DLG5: variants seen among roughly 807,000 people sequenced by gnomAD.
DLG5 encodes the protein discs large MAGUK scaffold protein 5, also known as disks large homolog 5.
DLG5 carries 48 observed loss-of-function variants against 189.8 expected under a neutral mutation model. The ratio of observed to expected loss-of-function variants is 0.25; its 90% CI spans 0.20 to 0.32. DLG5 has a LOEUF of 0.32. DLG5 is among the 10% of genes least tolerant of loss of function. DLG5 has a pLI of 1.00. For synonymous variants in DLG5, 1,016 were observed against 1,054.1 expected (o/e 0.96, Z 0.70); for missense variants, 2,160 against 2,544.7 (o/e 0.85, Z 3.25).
chr10:77,835,787 A>G lies in DLG5; in HGVS notation c.1573T>C (p.Trp525Arg). 6.2e-7 allele frequency: 1 copy of G among 1,613,896 alleles called. No individual in the cohort carries two copies. Residue 525 changes from tryptophan (W) to arginine (R), a missense_variant, in exon 8 of 32, where the codon TGG (tryptophan) becomes CGG (arginine). Physicochemically the swap from Trp to Arg is moderately radical, Grantham distance 101. Coordinates refer to ENST00000372391, the MANE Select transcript of DLG5 (RefSeq NM_004747.4). ...ATCTTGTCTCGCTCCTGGAAGGCCC[A>G]GTCCCGCCGGCACTTGGCCACATCC... ...EADVAKCRRD[W>R]AFQERDKIVA...
Position 77,914,146 on chromosome 10 carries a change from G to A in DLG5, c.304+12071C>T, listed in dbSNP as rs1385500124. On this transcript the variant is annotated intron_variant, in intron 1 of 31. Coordinates refer to ENST00000372391, the MANE Select transcript of DLG5 (RefSeq NM_004747.4). ...TTTGGAACTGAACTCACAGGTCACA[G>A]CAATGCCCTCCTTAAAAATGTGGGC... 3.3e-5 allele frequency among the ~76,000 whole-genome samples: 5 copies of A among 152,124 alleles called. No individual in the cohort carries two copies. The East Asian group carries it at 7.7e-4, about 23-fold the overall frequency.
At position 77,816,110 on chromosome 10, in the gene DLG5, C is replaced by T. The variant is rs564942660; in HGVS notation, c.4025+441G>A. The T allele has an allele frequency of 5.0e-4, 239 of 474,828 alleles. 2 individuals carry two copies. Among genetic ancestry groups the T allele is most frequent in the African/African-American group, 3.9e-3 (197 of 51,026 alleles). The allele number at this position is 474,828 out of a possible 1,614,324, so 29.4% of individuals were successfully genotyped here. A position where few individuals can be genotyped will look rare whatever the true frequency, so the allele number is the denominator to read the frequency against. On this transcript the variant is annotated intron_variant, in intron 20 of 31. Transcript: ENST00000372391. Reference sequence around the variant, plus strand: ...AAAAGCAAAGGGTAAGAATGAGTCCCGGTGCCAGCCACTAACCACGTGGCC... The same window carrying T: ...AAAAGCAAAGGGTAAGAATGAGTCCTGGTGCCAGCCACTAACCACGTGGCC...
intron 26 of DLG5, 35 bp from the exon 27 acceptor site, chr10:77,805,896 C>G (rs768409732): frequency 6.3e-7 from 1 of 1,576,880 alleles, no homozygotes; most frequent in Admixed American, 1.7e-5. Context: ...GCAGGGCCAT[C>G]GAGACCCTGC....
chr10:77,920,215 T>A (rs1325400314), intron 1 of DLG5, among the ~76,000 whole-genome samples: 1 of 152,194 alleles, frequency 6.6e-6, no homozygotes, highest in Admixed American at 6.5e-5. Context: ...GGTAACAAAA[T>A]GCTCTTCCAT....
At chr10:77,870,119 C>G (rs1448888349) in intron 1 of DLG5, among the ~76,000 whole-genome samples, 1 of 151,948 alleles carries the variant, frequency 6.6e-6, no homozygotes, top group East Asian at 1.9e-4. Context: ...AAAGGGAGGG[C>G]AAACTGACTC....
At chr10:77,848,499 G>GT in intron 5 of DLG5, among the ~76,000 whole-genome samples, 1 of 152,138 alleles carries the variant, frequency 6.6e-6, no homozygotes, top group Non-Finnish European at 1.5e-5. Context: ...AATTCTACCT[G>GT]TAAGGCTCAA....
chr10:77,824,168 C>T (rs1842501237), intron 14 of DLG5, among the ~76,000 whole-genome samples: 1 of 152,218 alleles, frequency 6.6e-6, no homozygotes, highest in Admixed American at 6.5e-5. Context: ...TTATCGGGTC[C>T]AGATTCAAAT....
intron 1 of DLG5, among the ~76,000 whole-genome samples, chr10:77,881,681 T>C (rs1845286147): frequency 6.6e-6 from 1 of 152,224 alleles, no homozygotes; most frequent in South Asian, 2.1e-4. Flanking sequence ...TGTTTATGAT[T>C]CTGATGCTTA....
At chr10:77,812,964 C>T (rs1288518556) in intron 20 of DLG5, among the ~76,000 whole-genome samples, 2 of 152,254 alleles carry the variant, frequency 1.3e-5, no homozygotes, top group Admixed American at 6.5e-5. Flanking sequence ...GGCAGGGGCT[C>T]GGCAGGGAGC....
At chr10:77,904,718 C>T (rs967956973) in intron 1 of DLG5, among the ~76,000 whole-genome samples, 20 of 151,842 alleles carry the variant, frequency 1.3e-4, no homozygotes, top group African/African-American at 4.8e-4. Context: ...ATTATGAGAC[C>T]TCCCAGCCAT....
intron 1 of DLG5, among the ~76,000 whole-genome samples, chr10:77,881,793 C>T (rs1845289210): frequency 6.6e-6 from 1 of 152,188 alleles, no homozygotes; most frequent in Non-Finnish European, 1.5e-5. Context: ...TCAAGGTAAG[C>T]TGAGTCATCA....
chr10:77,868,369 A>T (rs779275109), intron 2 of DLG5: 13 of 351,144 alleles, frequency 3.7e-5, no homozygotes, highest in South Asian at 1.3e-4. Flanking sequence ...CCTCTGGCAC[A>T]CTGGAGGTGT....
chr10:77,860,233 G>A (rs1049867635), intron 2 of DLG5, among the ~76,000 whole-genome samples: 2 of 152,192 alleles, frequency 1.3e-5, no homozygotes, highest in East Asian at 1.9e-4. Flanking sequence ...TCATGCCTCG[G>A]TGCCTCCCAA....
At chr10:77,829,050 C>G in intron 12 of DLG5, 65 bp from the exon 13 acceptor site, 1 of 1,516,404 alleles carries the variant, frequency 6.6e-7, no homozygotes, top group Non-Finnish European at 9.1e-7. Flanking sequence ...GTCACCCTAC[C>G]TCATCTTTGT....
At chr10:77,917,563 C>CAAGAAAGA (rs1564596219) in intron 1 of DLG5, among the ~76,000 whole-genome samples, 1 of 149,176 alleles carries the variant, frequency 6.7e-6, no homozygotes. Context: ...AGAAAGACAG[C>CAAGAAAGA]AAGAAAGAAA....
At chr10:77,903,854 G>A (rs551450825) in intron 1 of DLG5, among the ~76,000 whole-genome samples, 4 of 152,262 alleles carry the variant, frequency 2.6e-5, no homozygotes, top group African/African-American at 9.6e-5. Context: ...CTAAAACTTG[G>A]AGCCCACTTC....
Position 77,811,193 on chromosome 10 carries a change from C to T in DLG5, c.4364G>A (p.Gly1455Asp), listed in dbSNP as rs201135239. Residue 1455 changes from glycine (G) to aspartate (D), a missense_variant, in exon 23 of 32, where the codon GGC becomes GAC. Gly to Asp is a moderately conservative substitution (Grantham distance 94). Around this residue, in one of 5 missense-constraint regions of DLG5, gnomAD observed 574 missense variants for 644.2 expected, o/e 0.89. Transcript: ENST00000372391. ...ATGCTCCGGGGTGGTGGTGCCACTG[C>T]CCTGGAGAGTGGAGTGGGTACCGGC... The part of the protein sequence containing the change: ...DPAGTHSTLQ[G>D]SGTTTPEHPS... 1.3e-5 allele frequency: 21 copies of T among 1,613,328 alleles called. No individual in the cohort carries two copies. Among genetic ancestry groups the T allele is most frequent in the Non-Finnish European group, 1.6e-5 (19 of 1,179,962 alleles).
chr10:77,858,056 G>A lies in DLG5; in HGVS notation c.374-1164C>T, dbSNP rs947966560. Among the ~76,000 whole-genome samples the A allele has an allele frequency of 2.0e-4, 30 of 152,290 alleles. 2 individuals carry two copies. The South Asian group carries it at 4.1e-3, about 21-fold the overall frequency. The stretch of plus-strand genomic sequence containing the variant: ...CAGTGGCTTGGGGCCTTCCAGAAGG[G>A]CCAGGGAGGATAGGGAGCTCAGGGC... On this transcript the variant is annotated intron_variant, in intron 2 of 31. Transcript: ENST00000372391.
chr10:77,908,796 G>A (rs1429510177), intron 1 of DLG5, among the ~76,000 whole-genome samples: 2 of 152,018 alleles, frequency 1.3e-5, no homozygotes, highest in African/African-American at 4.8e-5. Context: ...CTGGGGGGTG[G>A]GGGGAGAGAA....
Sources: gnomAD v4.1 joint callset for allele counts (sites outside exome capture counted in the v4.1 genomes callset) on GRCh38, gnomAD v4.1.1 for gene constraint, gnomAD v4.1.1 regional missense constraint, MANE v1.5 for transcripts, NCBI Gene and HGNC (gene_info 2026-07-23, HGNC 2026-07-21) for gene names.